PPDPF: variants seen among roughly 807,000 people sequenced by gnomAD.
PPDPF encodes pancreatic progenitor cell differentiation and proliferation factor.
In PPDPF, 11 loss-of-function variants were observed where a neutral mutation model predicts 6.3. The observed-to-expected ratio is 1.76, with a 90% CI of 1.11 to 2.91. PPDPF has a LOEUF of 2.91. Ranked by LOEUF, PPDPF falls within the 30% of genes most tolerant of loss-of-function variation. PPDPF has a pLI of 0.00. For missense variants in PPDPF, 202 were observed against 159.4 expected (o/e 1.27, Z -1.44); for synonymous variants, 86 against 64.5 (o/e 1.33, Z -1.60).
At chr20:63,521,199 C>A in intron 1 of PPDPF, 85 bp from the exon 2 acceptor site, 1 of 1,289,366 alleles carries the variant, frequency 7.8e-7, no homozygotes, top group Non-Finnish European at 1.1e-6. Flanking sequence ...GGTAAATAAC[C>A]CAGCGCGGCG....
rs1441525162 is a variant in PPDPF, at chr20:63,521,588, A to C, written c.132A>C (p.Pro44=). ...ECPGEAIPHP[P]GLPKADPGHW... is the part of the protein sequence containing the mutation. ...CCGGGGAAGCCATTCCCCACCCCCC[A>C]GGTGAGTGCAGGATCGCCCCTTTCT... The change falls in exon 3 of 4, where the codon CCA becomes CCC. Residue 44 remains proline, a splice_region_variant and synonymous_variant. Transcript: ENST00000370179. The C allele has an allele frequency of 6.2e-7, 1 of 1,610,498 alleles. No individual in the cohort carries two copies. The highest frequency in any genetic ancestry group is 2.2e-5 in the East Asian group (1 of 44,754).
rs759954043 is a variant in PPDPF, at chr20:63,521,767, C to G, written c.233C>G (p.Ser78Trp). The G allele has an allele frequency of 1.5e-5, 24 of 1,612,766 alleles. No individual in the cohort carries two copies. The highest frequency in any genetic ancestry group is 1.6e-4 in the Middle Eastern group (1 of 6,076). The change falls in exon 4 of 4, where the codon TCG becomes TGG. Residue 78 changes from serine (S) to tryptophan (W), a missense_variant. Physicochemically the swap from Ser to Trp is radical, Grantham distance 177 (BLOSUM62 -3). Transcript: ENST00000370179. ...MATVLESAEH[S>W]EPPQASSSMT... ...ACGGTGTTGGAGTCCGCAGAGCACT[C>G]GGAACCTCCCCAGGCCTCCAGCAGC...
Position 63,522,133 on chromosome 20 carries a change from C to A in PPDPF, c.*254C>A. On this transcript the variant is annotated 3_prime_UTR_variant, in exon 4 of 4. Transcript: ENST00000370179. ...GACACCTGGAACTGTGCACCTGGCA[C>A]CAAGCGGAAAATAAACTCCAAGCAG... is the stretch of plus-strand genomic sequence containing the variant. 1.8e-6 allele frequency: 1 copy of A among 570,208 alleles called. No individual in the cohort carries two copies. The highest frequency in any genetic ancestry group is 3.2e-6 in the Non-Finnish European group (1 of 310,196). 35.3% of individuals were successfully genotyped at this position (570,208 alleles called of 1,614,324 possible).
chr20:63,521,491 G>A (rs373572155), intron 2 of PPDPF, 21 bp from the exon 3 acceptor site: 13 of 1,562,838 alleles, frequency 8.3e-6, no homozygotes, highest in South Asian at 1.2e-5. Context: ...CCGCGTTGCT[G>A]ACGGGACCTC....
chr20:63,521,876 C>T lies in PPDPF; in HGVS notation c.342C>T (p.Ser114=). 6.3e-7 allele frequency: 1 copy of T among 1,581,000 alleles called. No individual in the cohort carries two copies. Among genetic ancestry groups the T allele is most frequent in the Non-Finnish European group, 8.6e-7 (1 of 1,164,354 alleles). ...QSSTASAGPP[S] ...GCACAGCCAGCGCTGGGCCCCCGTC[C>T]TGACCTGAGCGGTTACCACCAGCCC... is the stretch of plus-strand genomic sequence containing the variant. The change falls in exon 4 of 4, where the codon TCC becomes TCT. Residue 114 remains serine, a synonymous_variant. Transcript: ENST00000370179.
rs866217607 is a variant in PPDPF at position 63,520,773 on chromosome 20, C to T, written c.-147C>T. On this transcript the variant is annotated 5_prime_UTR_variant, in exon 1 of 4. Coordinates refer to ENST00000370179, the MANE Select transcript of PPDPF (RefSeq NM_024299.4). ...CGCGTCCGCGCGTGCGCACCCCGCGCGCGCCTCTCTGTCGTGGCGCGGCTT... is the reference window on the plus strand; with the variant it reads ...CGCGTCCGCGCGTGCGCACCCCGCGTGCGCCTCTCTGTCGTGGCGCGGCTT... 36 of 984,798 alleles carry T rather than the reference C, an allele frequency of 3.7e-5. No homozygotes were observed. The South Asian group carries it at 3.8e-4, about 10-fold the overall frequency. The allele number at this position is 984,798 out of a possible 1,614,324, so 61.0% of individuals were successfully genotyped here.
rs534176722 is a variant in PPDPF at position 63,520,817 on chromosome 20, A to C, written c.-103A>C. The C allele has an allele frequency of 2.0e-6, 2 of 984,192 alleles. No homozygotes were observed. The highest frequency in any genetic ancestry group is 2.4e-6 in the Non-Finnish European group (2 of 829,860). The allele number at this position is 984,192 out of a possible 1,614,324, so 61.0% of individuals were successfully genotyped here. On this transcript the variant is annotated 5_prime_UTR_variant, in exon 1 of 4. Transcript: ENST00000370179. ...GCGGCTTCCCGCGGTCTTCTCTGCAAATGGGCTCCGTGGCCTAGCGCCCCC... is the reference window on the plus strand; with the variant it reads ...GCGGCTTCCCGCGGTCTTCTCTGCACATGGGCTCCGTGGCCTAGCGCCCCC...
chr20:63,521,156 A>T, intron 1 of PPDPF, 128 bp from the exon 2 acceptor site: 2 of 955,708 alleles, frequency 2.1e-6, no homozygotes, highest in Non-Finnish European at 2.9e-6. Flanking sequence ...CCGCGCGGCG[A>T]AGGCGGTGCC....
rs761554728 is a variant in PPDPF at position 63,521,835 on chromosome 20, C to T, written c.301C>T (p.Pro101Ser). 3.1e-6 allele frequency: 5 copies of T among 1,608,740 alleles called. No individual in the cohort carries two copies. The East Asian group carries it at 1.1e-4, about 36-fold the overall frequency. Reference protein sequence around the residue: ...GLARDAPRKQPGGQSSTASAG... With the variant: ...GLARDAPRKQSGGQSSTASAG... The stretch of plus-strand genomic sequence containing the variant: ...GGCTCGGGACGCCCCGAGGAAGCAG[C>T]CCGGCGGTCAGTCCAGCACAGCCAG... The change falls in exon 4 of 4, where the codon CCC becomes TCC. Residue 101 changes from proline to serine, a missense_variant. Physicochemically the swap from Pro to Ser is moderately conservative, Grantham distance 74 (BLOSUM62 -1). Transcript: ENST00000370179.
chr20:63,521,745 G>A lies in PPDPF; in HGVS notation c.211G>A (p.Val71Met), dbSNP rs1569005580. ...GKSTLPFMATVLESAEHSEPP... is the reference protein window; with the variant it reads ...GKSTLPFMATMLESAEHSEPP... ...GTCCACCCTCCCGTTCATGGCCACG[G>A]TGTTGGAGTCCGCAGAGCACTCGGA... Residue 71 changes from valine (V) to methionine (M), a missense_variant, in exon 4 of 4, where the codon GTG becomes ATG. Transcript: ENST00000370179. The A allele has an allele frequency of 6.2e-7, 1 of 1,613,228 alleles. No homozygotes were observed. Among genetic ancestry groups the A allele is most frequent in the Admixed American group, 1.7e-5 (1 of 60,026 alleles).
Position 63,521,825 on chromosome 20 carries a change from G to T in PPDPF, c.291G>T (p.Pro97=), listed in dbSNP as rs764569212. ...MTACGLARDA[P]RKQPGGQSST... ...CCTGTGGCCTGGCTCGGGACGCCCC[G>T]AGGAAGCAGCCCGGCGGTCAGTCCA... The change falls in exon 4 of 4, where the codon CCG becomes CCT. Residue 97 remains proline, a synonymous_variant. Coordinates refer to ENST00000370179, the MANE Select transcript of PPDPF (RefSeq NM_024299.4). 1 of 1,610,620 alleles carries T rather than the reference G, an allele frequency of 6.2e-7. No individual in the cohort carries two copies. Among genetic ancestry groups the T allele is most frequent in the Non-Finnish European group, 8.5e-7 (1 of 1,179,322 alleles).
Position 63,521,696 on chromosome 20 carries a change from G to T in PPDPF, c.162G>T (p.Trp54Cys). 6.2e-7 allele frequency: 1 copy of T among 1,613,454 alleles called. No individual in the cohort carries two copies. The highest frequency in any genetic ancestry group is 1.1e-5 in the South Asian group (1 of 91,078). The change falls in exon 4 of 4, where the codon TGG (tryptophan) becomes TGT (cysteine). Residue 54 changes from tryptophan to cysteine, a missense_variant. Physicochemically the swap from Trp to Cys is radical, Grantham distance 215. Transcript: ENST00000370179. ...PGLPKADPGH[W>C]WASFFFGKST... ...TCCCCAAGGCTGACCCGGGTCATTGGTGGGCCAGCTTCTTTTTCGGGAAGT... is the reference window on the plus strand; with the variant it reads ...TCCCCAAGGCTGACCCGGGTCATTGTTGGGCCAGCTTCTTTTTCGGGAAGT...
rs540756643 is a variant in PPDPF, at chr20:63,522,161, A to C, written c.*282A>C. ...AGCGGAAAATAAACTCCAAGCAGCC[A>C]GTAGCCCCGATGGTGTGTGCCTGAG... is the stretch of plus-strand genomic sequence containing the variant. On this transcript the variant is annotated 3_prime_UTR_variant, in exon 4 of 4. Coordinates refer to ENST00000370179, the MANE Select transcript of PPDPF (RefSeq NM_024299.4). The C allele has an allele frequency of 2.0e-6, 1 of 506,822 alleles. No individual in the cohort carries two copies. Among genetic ancestry groups the C allele is most frequent in the African/African-American group, 2.2e-5 (1 of 44,782 alleles). 31.4% of individuals were successfully genotyped at this position (506,822 alleles called of 1,614,324 possible).
At position 63,521,733 on chromosome 20, in the gene PPDPF, T is replaced by C. The variant is rs1464130435; in HGVS notation, c.199T>C (p.Phe67Leu). ...CTTTTTCGGGAAGTCCACCCTCCCG[T>C]TCATGGCCACGGTGTTGGAGTCCGC... is the stretch of plus-strand genomic sequence containing the variant. Reference protein sequence around the residue: ...SFFFGKSTLPFMATVLESAEH... With the variant: ...SFFFGKSTLPLMATVLESAEH... The change falls in exon 4 of 4, where the codon TTC becomes CTC. Residue 67 changes from phenylalanine (F) to leucine (L), a missense_variant. By Grantham distance (22) the Phe-to-Leu change is conservative (BLOSUM62 0). Transcript: ENST00000370179. 1.2e-6 allele frequency: 2 copies of C among 1,613,064 alleles called. No individual in the cohort carries two copies. The highest frequency in any genetic ancestry group is 1.7e-6 in the Non-Finnish European group (2 of 1,179,972).
chr20:63,520,871 G>A lies in PPDPF; in HGVS notation c.-49G>A. On this transcript the variant is annotated 5_prime_UTR_variant, in exon 1 of 4. Coordinates refer to ENST00000370179, the MANE Select transcript of PPDPF (RefSeq NM_024299.4). ...CCCGCCACCCGTGATCGTGCGCCGAGGCCCGCGAGGGGTCGCCGCCCAGGT... is the reference window on the plus strand; with the variant it reads ...CCCGCCACCCGTGATCGTGCGCCGAAGCCCGCGAGGGGTCGCCGCCCAGGT... 1 of 991,490 alleles carries A rather than the reference G, an allele frequency of 1.0e-6. No homozygotes were observed. Among genetic ancestry groups the A allele is most frequent in the Non-Finnish European group, 1.2e-6 (1 of 834,438 alleles). The allele number at this position is 991,490 out of a possible 1,614,324, so 61.4% of individuals were successfully genotyped here. A position where few individuals can be genotyped will look rare whatever the true frequency, so the allele number is the denominator to read the frequency against.
rs1405805100 is a variant in PPDPF, at chr20:63,520,958, T to G, written c.-26+64T>G. The G allele has an allele frequency of 1.5e-5, 15 of 988,784 alleles. No homozygotes were observed. The South Asian group carries it at 3.9e-4, about 26-fold the overall frequency. 61.3% of individuals were successfully genotyped at this position (988,784 alleles called of 1,614,324 possible). A position where few individuals can be genotyped will look rare whatever the true frequency, so the allele number is the denominator to read the frequency against. On this transcript the variant is annotated intron_variant, in intron 1 of 3. Coordinates refer to ENST00000370179, the MANE Select transcript of PPDPF (RefSeq NM_024299.4). ...AGGGGCGGGGGGCGAGGGGCGGGGC[T>G]GGGCCGGGGGCTCCTCTCCTCTCCG...
In PPDPF at chr20:63,520,807, C is replaced by T; in HGVS notation, c.-113C>T. The T allele has an allele frequency of 1.8e-5, 18 of 984,914 alleles. No homozygotes were observed. The highest frequency in any genetic ancestry group is 1.4e-4 in the South Asian group (3 of 21,284). The allele number at this position is 984,914 out of a possible 1,614,324, so 61.0% of individuals were successfully genotyped here. A position where few individuals can be genotyped will look rare whatever the true frequency, so the allele number is the denominator to read the frequency against. On this transcript the variant is annotated 5_prime_UTR_variant, in exon 1 of 4. Transcript: ENST00000370179. ...CTGTCGTGGCGCGGCTTCCCGCGGT[C>T]TTCTCTGCAAATGGGCTCCGTGGCC... is the stretch of plus-strand genomic sequence containing the variant.
rs773266258 is a variant in PPDPF at position 63,521,685 on chromosome 20, C to T, written c.151C>T (p.Pro51Ser). The part of the protein sequence containing the change: ...PHPPGLPKAD[P>S]GHWWASFFFG... ...TCTCTCAGGTCTCCCCAAGGCTGAC[C>T]CGGGTCATTGGTGGGCCAGCTTCTT... The change falls in exon 4 of 4, where the codon CCG becomes TCG. Residue 51 changes from proline (P) to serine (S), a missense_variant. Physicochemically the swap from Pro to Ser is moderately conservative, Grantham distance 74. Coordinates refer to ENST00000370179, the MANE Select transcript of PPDPF (RefSeq NM_024299.4). The T allele has an allele frequency of 5.0e-6, 8 of 1,613,376 alleles. No individual in the cohort carries two copies. Among genetic ancestry groups the T allele is most frequent in the Non-Finnish European group, 5.9e-6 (7 of 1,180,016 alleles).
At chr20:63,521,476 G>A (rs2082544722) in intron 2 of PPDPF, 36 bp from the exon 3 acceptor site, 9 of 1,558,238 alleles carry the variant, frequency 5.8e-6, no homozygotes, top group Non-Finnish European at 7.8e-6. Flanking sequence ...GGGGGGCTCC[G>A]CGCCCCGCGT....
Sources: allele counts gnomAD v4.1 joint callset, GRCh38; gene constraint gnomAD v4.1.1; transcripts MANE v1.5; gene names NCBI Gene and HGNC (gene_info 2026-07-23, HGNC 2026-07-21).